DNAH5: variants seen among roughly 807,000 people sequenced by gnomAD.
DNAH5 encodes the protein axonemal beta dynein heavy chain 5.
Under a neutral mutation model 518.2 loss-of-function variants are expected in DNAH5, and 372 were observed. The ratio of observed to expected loss-of-function variants is 0.72; its 90% confidence interval spans 0.66 to 0.78. DNAH5 has a LOEUF of 0.78. Ranked by LOEUF, DNAH5 falls within the 30% of genes least tolerant of loss-of-function variation. The pLI, the probability that DNAH5 is intolerant of heterozygous loss-of-function variation, is 0.00. For missense variants in DNAH5, 5,523 were observed against 5,687.0 expected, an observed-to-expected ratio of 0.97 and a Z score of 0.93; for synonymous variants, 2,039 against 2,025.9, an observed-to-expected ratio of 1.01 and a Z score of -0.17.
At chr5:13,867,274 C>T (rs1769391152) in intron 25 of DNAH5, among the ~76,000 whole-genome samples, 1 of 152,138 alleles carries the variant, frequency 6.6e-6, no homozygotes, top group South Asian at 2.1e-4. Context: ...CCATAATCTC[C>T]ATAATCCCCA....
chr5:13,882,355 T>TAA (rs749877963), intron 21 of DNAH5, among the ~76,000 whole-genome samples: 15 of 138,608 alleles, frequency 1.1e-4, no homozygotes, highest in South Asian at 2.3e-4. Flanking sequence ...CACTACAATT[T>TAA]AAAAAAAAAA....
intron 1 of DNAH5, among the ~76,000 whole-genome samples, chr5:13,957,438 G>T (rs1157459169): frequency 6.6e-6 from 1 of 152,174 alleles, no homozygotes; most frequent in Non-Finnish European, 1.5e-5. Flanking sequence ...TTTAATGAAA[G>T]AGAAGCCAGT....
rs144774342 is a variant in DNAH5 at position 13,944,263 on chromosome 5, T to C, written c.57+119A>G. 369 of 980,678 alleles carry C rather than the reference T, an allele frequency of 3.8e-4. No individual in the cohort carries two copies. In the African/African-American group the frequency reaches 5.2e-3, roughly 14 times the overall value. The allele number at this position is 980,678 out of a possible 1,614,324, so 60.7% of individuals were successfully genotyped here. ...AGGTGAACATTAGTTAAAAAATGTG[T>C]TTCTCGCAAATTCATCAGTGTGTGA... On this transcript the variant is annotated intron_variant, in intron 1 of 78. Transcript: ENST00000265104.
At chr5:13,722,485 G>A (rs1008575162) in intron 70 of DNAH5, among the ~76,000 whole-genome samples, 14 of 151,472 alleles carry the variant, frequency 9.2e-5, no homozygotes, top group Admixed American at 6.6e-5. Flanking sequence ...GGCTTACTAC[G>A]TCCTCTCATA....
chr5:13,885,374 C>G, intron 18 of DNAH5, 146 bp from the exon 19 acceptor site: 1 of 1,040,248 alleles, frequency 9.6e-7, no homozygotes, highest in South Asian at 1.5e-5. Context: ...AAACATCACA[C>G]TTCTTAGGAA....
At chr5:13,938,852 C>T (rs1489690874) in intron 1 of DNAH5, among the ~76,000 whole-genome samples, 6 of 152,208 alleles carry the variant, frequency 3.9e-5, no homozygotes, top group Non-Finnish European at 7.3e-5. Flanking sequence ...CTCAGGCCAG[C>T]TAACTTCACT....
chr5:13,988,782 T>C (rs900745118), intron 1 of DNAH5, among the ~76,000 whole-genome samples: 4 of 132,216 alleles, frequency 3.0e-5, no homozygotes, highest in Non-Finnish European at 6.4e-5. Flanking sequence ...AGTGCAGTGG[T>C]GTGGTGCGAT....
intron 1 of DNAH5, among the ~76,000 whole-genome samples, chr5:13,993,065 A>G (rs1253367571): frequency 6.6e-6 from 1 of 152,264 alleles, no homozygotes; most frequent in Admixed American, 6.5e-5. Context: ...TGAAAGGGCA[A>G]TGGAAAGTCA....
chr5:13,762,084 A>T (rs527464707), intron 60 of DNAH5, among the ~76,000 whole-genome samples: 1 of 152,190 alleles, frequency 6.6e-6, no homozygotes, highest in Non-Finnish European at 1.5e-5. Flanking sequence ...TTTTCAAAAA[A>T]CCCACTCTCC....
In DNAH5 at chr5:13,829,709, A is replaced by G. The variant is rs1359267492; in HGVS notation, c.6250-5T>C. The G allele has an allele frequency of 1.9e-6, 3 of 1,613,664 alleles. No individual in the cohort carries two copies. The highest frequency in any genetic ancestry group is 2.5e-6 in the Non-Finnish European group (3 of 1,179,542). ...CCGTCCGGCATAGCCAGGATTCTAA[A>G]CAGAAAATAAAGCCCAAGGATGAAT... On this transcript the variant is annotated splice_region_variant and splice_polypyrimidine_tract_variant and intron_variant, in intron 37 of 78. Coordinates refer to ENST00000265104, the MANE Select transcript of DNAH5 (RefSeq NM_001369.3).
intron 78 of DNAH5, among the ~76,000 whole-genome samples, chr5:13,698,036 C>G (rs761449969): frequency 2.5e-4 from 38 of 152,184 alleles, no homozygotes; most frequent in South Asian, 2.1e-4. Flanking sequence ...ATGTCATCAT[C>G]ATGCCAGTGA....
chr5:13,899,426 A>T (rs1249578112), intron 15 of DNAH5: 1 of 152,370 alleles, frequency 6.6e-6, no homozygotes, highest in Non-Finnish European at 1.5e-5. Context: ...TTAAATAACA[A>T]TGATATTCTG....
intron 60 of DNAH5, among the ~76,000 whole-genome samples, chr5:13,761,485 C>A (rs1263221775): frequency 6.7e-6 from 1 of 149,978 alleles, no homozygotes; most frequent in Non-Finnish European, 1.5e-5. Flanking sequence ...CCCAGCTACT[C>A]GGGAGGCTGA....
chr5:13,993,585 G>A (rs73047507), intron 1 of DNAH5, among the ~76,000 whole-genome samples: 8,463 of 152,232 alleles, frequency 0.056, 501 homozygotes, highest in East Asian at 0.19. Flanking sequence ...GCTCAGCATT[G>A]ACTTAGACAT....
chr5:13,742,321 C>T (rs1748681519), intron 65 of DNAH5, among the ~76,000 whole-genome samples: 1 of 152,070 alleles, frequency 6.6e-6, no homozygotes, highest in African/African-American at 2.4e-5. Flanking sequence ...TTTTCAACCA[C>T]ATAACCACTG....
At chr5:13,855,208 T>TAATGCCCA (rs1580603791) in intron 30 of DNAH5, among the ~76,000 whole-genome samples, 1 of 84,646 alleles carries the variant, frequency 1.2e-5, no homozygotes. Flanking sequence ...TCTTACATTT[T>TAATGCCCA]TTTTTTTTTT....
intron 51 of DNAH5, among the ~76,000 whole-genome samples, chr5:13,786,835 G>T (rs1756105102): frequency 6.6e-6 from 1 of 152,172 alleles, no homozygotes; most frequent in African/African-American, 2.4e-5. Context: ...AGGGTTGAGA[G>T]AAATAGAAAA....
At chr5:13,919,765 G>A (rs764209234) in intron 6 of DNAH5, among the ~76,000 whole-genome samples, 4 of 152,126 alleles carry the variant, frequency 2.6e-5, no homozygotes, top group East Asian at 1.9e-4. Flanking sequence ...TCATTTCTAC[G>A]TGTGGGTAAC....
At chr5:13,879,438 T>C (rs1038096111) in intron 21 of DNAH5, among the ~76,000 whole-genome samples, 2 of 152,150 alleles carry the variant, frequency 1.3e-5, no homozygotes, top group African/African-American at 4.8e-5. Flanking sequence ...TAAGTACAGA[T>C]GCTCTTTGAC....
Sources: allele counts gnomAD v4.1 joint callset (sites outside exome capture counted in the v4.1 genomes callset), GRCh38; gene constraint gnomAD v4.1.1; transcripts MANE v1.5; gene names NCBI Gene and HGNC (gene_info 2026-07-23, HGNC 2026-07-21).